Variants in NBAS observed in about 807,000 individuals in gnomAD.
NBAS encodes the protein NAG/BC035112 fusion.
In NBAS, 219 loss-of-function variants were observed where a neutral mutation model predicts 302.5. That is an observed-to-expected ratio of 0.72 (90% CI 0.65 to 0.81). The LOEUF (loss-of-function observed/expected upper bound fraction) is 0.81, where lower values mean the gene tolerates loss of function less well. Among genes scored for constraint, NBAS ranks in the 30% least tolerant of loss-of-function variants. NBAS has a pLI of 0.00. For missense variants in NBAS, 2,932 were observed against 2,841.6 expected (o/e 1.03, Z -0.72); for synonymous variants, 1,118 against 1,021.6 (o/e 1.09, Z -1.80).
chr2:15,147,617 A>T, the NBAS span, among the ~76,000 whole-genome samples: 9 of 151,924 alleles, frequency 5.9e-5, no homozygotes, highest in Non-Finnish European at 8.8e-5. Context: ...AAAAAAAATT[A>T]AAAAAAGAGA....
the NBAS span, among the ~76,000 whole-genome samples, chr2:15,062,580 C>T: frequency 1.3e-5 from 2 of 152,084 alleles, no homozygotes; most frequent in Admixed American, 6.6e-5. Flanking sequence ...AAAAGAGGAA[C>T]CAGCATATTA....
At chr2:15,301,233 C>A (rs1308581759) in intron 40 of NBAS, among the ~76,000 whole-genome samples, 1 of 152,118 alleles carries the variant, frequency 6.6e-6, no homozygotes, top group Non-Finnish European at 1.5e-5. Context: ...GAATCAGGGG[C>A]TTTACATGAC....
chr2:15,252,980 G>T (rs1668431283), intron 44 of NBAS, among the ~76,000 whole-genome samples: 1 of 152,168 alleles, frequency 6.6e-6, no homozygotes, highest in Non-Finnish European at 1.5e-5. Context: ...TAAAAAGAAG[G>T]TGACACCTGA....
chr2:14,855,750 AT>A, the NBAS span, among the ~76,000 whole-genome samples: 1 of 152,146 alleles, frequency 6.6e-6, no homozygotes, highest in Admixed American at 6.6e-5. Context: ...GTCAGGCACG[AT>A]ACAATAGAAC....
the NBAS span, among the ~76,000 whole-genome samples, chr2:14,977,213 T>C: frequency 6.6e-6 from 1 of 152,116 alleles, no homozygotes; most frequent in Non-Finnish European, 1.5e-5. Flanking sequence ...AAATGTGAAC[T>C]GTAGCCAAAA....
At chr2:15,003,242 G>C in the NBAS span, among the ~76,000 whole-genome samples, 136 of 152,344 alleles carry the variant, frequency 8.9e-4, no homozygotes, top group African/African-American at 3.1e-3. Context: ...AGGAGATAGT[G>C]TAGGTGGAAG....
the NBAS span, among the ~76,000 whole-genome samples, chr2:14,798,540 T>A: frequency 6.6e-6 from 1 of 152,266 alleles, no homozygotes; most frequent in Non-Finnish European, 1.5e-5. Flanking sequence ...CTGTCAAAAT[T>A]TTTTTAGTAA....
chr2:15,396,540 C>T (rs1675876385), intron 26 of NBAS, 65 bp from the exon 27 acceptor site: 1 of 1,112,668 alleles, frequency 9.0e-7, no homozygotes, highest in African/African-American at 1.6e-5. Context: ...AAATAAAATA[C>T]AAAACTTAAT....
At chr2:14,861,389 C>G in the NBAS span, among the ~76,000 whole-genome samples, 1 of 152,186 alleles carries the variant, frequency 6.6e-6, no homozygotes, top group South Asian at 2.1e-4. Flanking sequence ...AGTGCATGTG[C>G]ACCAGCAGTC....
the NBAS span, among the ~76,000 whole-genome samples, chr2:14,810,717 G>T: frequency 6.6e-6 from 1 of 152,156 alleles, no homozygotes; most frequent in African/African-American, 2.4e-5. Flanking sequence ...CCAGGGCTTT[G>T]TGAGGATTAA....
intron 39 of NBAS, among the ~76,000 whole-genome samples, 167 bp from the exon 40 acceptor site, chr2:15,308,520 A>G (rs1458692345): frequency 6.6e-6 from 1 of 152,244 alleles, no homozygotes; most frequent in Non-Finnish European, 1.5e-5. Context: ...ATCACAAGGC[A>G]CTATAAAACA....
chr2:15,099,474 G>A, the NBAS span, among the ~76,000 whole-genome samples: 1 of 151,962 alleles, frequency 6.6e-6, no homozygotes, highest in East Asian at 1.9e-4. Context: ...TGGGAGCACA[G>A]AGGAAGAAGT....
At chr2:14,924,142 G>T in the NBAS span, among the ~76,000 whole-genome samples, 3 of 152,160 alleles carry the variant, frequency 2.0e-5, no homozygotes, top group African/African-American at 7.2e-5. Context: ...TTTGGAAACC[G>T]AAGAGTAAAG....
chr2:15,315,114 G>A (rs1038517389), intron 38 of NBAS, among the ~76,000 whole-genome samples: 5 of 152,112 alleles, frequency 3.3e-5, no homozygotes, highest in African/African-American at 1.2e-4. Flanking sequence ...GTCACAATCT[G>A]TACAATCATA....
At chr2:14,872,366 G>C in the NBAS span, among the ~76,000 whole-genome samples, 1 of 151,964 alleles carries the variant, frequency 6.6e-6, no homozygotes, top group South Asian at 2.1e-4. Flanking sequence ...AGATCTAATT[G>C]ATATTTATTA....
At chr2:15,348,419 T>G (rs1198278331) in intron 35 of NBAS, among the ~76,000 whole-genome samples, 1 of 152,146 alleles carries the variant, frequency 6.6e-6, no homozygotes, top group Non-Finnish European at 1.5e-5. Context: ...CCACTTGCAG[T>G]AACACAGCAT....
the NBAS span, among the ~76,000 whole-genome samples, chr2:14,994,525 AC>A: frequency 1.3e-5 from 2 of 152,086 alleles, no homozygotes; most frequent in African/African-American, 2.4e-5. Flanking sequence ...TTCCAGATGC[AC>A]CCTCCTAGAG....
chr2:15,469,797 T>A (rs1468809225), intron 16 of NBAS, among the ~76,000 whole-genome samples: 1 of 124,444 alleles, frequency 8.0e-6, no homozygotes, highest in Admixed American at 1.1e-4. Context: ...TGAGAACACA[T>A]GGACACAGGG....
At chr2:15,041,719 G>T in the NBAS span, among the ~76,000 whole-genome samples, 2 of 152,206 alleles carry the variant, frequency 1.3e-5, no homozygotes, top group Non-Finnish European at 2.9e-5. Context: ...GAAATCTTCC[G>T]CCACTCTACC....
Sources: allele counts gnomAD v4.1 joint callset (sites outside exome capture counted in the v4.1 genomes callset), GRCh38; gene constraint gnomAD v4.1.1; transcripts MANE v1.5; gene names NCBI Gene and HGNC (gene_info 2026-07-23, HGNC 2026-07-21).